MICAL2: variants seen among roughly 807,000 people sequenced by gnomAD.
MICAL2 encodes the protein [F-actin]-monooxygenase MICAL2.
A neutral mutation model predicts 127.3 loss-of-function variants in MICAL2; 77 were observed. The observed-to-expected ratio is 0.60, with a 90% CI of 0.50 to 0.73. The LOEUF is 0.73. Ranked by LOEUF, MICAL2 falls within the 30% of genes least tolerant of loss-of-function variation. MICAL2 has a pLI of 0.00. For synonymous variants in MICAL2, 570 were observed against 551.1 expected, an observed-to-expected ratio of 1.03 and a Z score of -0.48; for missense variants, 1,351 against 1,434.4, an observed-to-expected ratio of 0.94 and a Z score of 0.94.
At chr11:12,338,029 G>T (rs549052239) in intron 32 of MICAL2, among the ~76,000 whole-genome samples, 124 of 152,242 alleles carry the variant, frequency 8.1e-4, no homozygotes, top group Non-Finnish European at 1.5e-3. Context: ...CTGTCTCGTT[G>T]ATCTGTCTAA....
intron 1 of MICAL2, among the ~76,000 whole-genome samples, chr11:12,122,849 T>G (rs2133482118): frequency 6.6e-6 from 1 of 152,264 alleles, no homozygotes; most frequent in South Asian, 2.1e-4. Context: ...AGCCTTATCA[T>G]CAATCCCACT....
At chr11:12,276,992 G>T (rs367929507) in intron 1 of MICAL2, among the ~76,000 whole-genome samples, 1 of 152,186 alleles carries the variant, frequency 6.6e-6, no homozygotes, top group African/African-American at 2.4e-5. Context: ...CAATAATGCT[G>T]AGTGACAAAC....
intron 30 of MICAL2, chr11:12,319,930 T>C: frequency 1.4e-6 from 1 of 705,382 alleles, no homozygotes; most frequent in Admixed American, 2.4e-5. Flanking sequence ...CATGTTTCAT[T>C]GCATCTGACA....
intron 32 of MICAL2, among the ~76,000 whole-genome samples, chr11:12,341,543 TTG>T: frequency 6.6e-6 from 1 of 152,306 alleles, no homozygotes; most frequent in South Asian, 2.1e-4. Context: ...AAAAATGTTA[TTG>T]GCCCGGCGCG....
intron 3 of MICAL2, among the ~76,000 whole-genome samples, chr11:12,169,546 C>T (rs11022221): frequency 0.088 from 13,331 of 152,118 alleles, 1,035 homozygotes; most frequent in East Asian, 0.41. Context: ...CAACCATGCC[C>T]GGCTAACTTT....
At chr11:12,266,452 AG>A (rs1451542161), downstream of MICAL2, among the ~76,000 whole-genome samples, 2 of 152,320 alleles carry the variant, frequency 1.3e-5, no homozygotes, top group South Asian at 2.1e-4. Flanking sequence ...AGAAAAAAAA[AG>A]GCTTAAGTAA....
intron 3 of MICAL2, among the ~76,000 whole-genome samples, chr11:12,169,233 AT>A (rs60669256): frequency 0.87 from 132,144 of 151,848 alleles, 59,597 homozygotes; most frequent in Non-Finnish European, 0.99. Flanking sequence ...ATCTACACAC[AT>A]TTTTTTCTAC....
intron 2 of MICAL2, chr11:12,153,185 C>T (rs890503954): frequency 8.6e-5 from 13 of 151,808 alleles, no homozygotes; most frequent in African/African-American, 3.1e-4. Flanking sequence ...ACAGACGCAC[C>T]CCACCACACC....
intron 3 of MICAL2, among the ~76,000 whole-genome samples, chr11:12,180,419 C>T (rs966005444): frequency 6.6e-5 from 10 of 151,776 alleles, no homozygotes; most frequent in South Asian, 2.1e-4. Context: ...CTGCTGCACA[C>T]GGCCACAGGT....
At chr11:12,226,513 C>T (rs775950260) in intron 14 of MICAL2, 143 bp downstream of exon 14, 9 of 721,520 alleles carry the variant, frequency 1.2e-5, no homozygotes, top group South Asian at 3.7e-5. Context: ...ACAGGGGTGA[C>T]TCCACTCACC....
intron 3 of MICAL2, among the ~76,000 whole-genome samples, chr11:12,190,051 G>C (rs925212219): frequency 6.6e-6 from 1 of 152,182 alleles, no homozygotes; most frequent in African/African-American, 2.4e-5. Flanking sequence ...ACCACTTTAT[G>C]GTGTAAGGTG....
rs79909077 is a variant in MICAL2 at position 12,227,940 on chromosome 11, A to T, written c.1995+809A>T. ...CCATGGGACACAGTTTGGGCATCAC[A>T]TGCCTAAGGAGCAGTGACAGTTTTG... On this transcript the variant is annotated intron_variant, in intron 15 of 27. Coordinates refer to ENST00000683283, the MANE Select transcript of MICAL2 (RefSeq NM_001282663.2). Among the ~76,000 whole-genome samples the T allele has an allele frequency of 3.3e-3, 503 of 152,348 alleles. 15 individuals carry two copies. The East Asian group carries it at 0.069, about 21-fold the overall frequency.
intron 26 of MICAL2, chr11:12,261,138 AG>A (rs1863058853): frequency 3.0e-6 from 3 of 985,354 alleles, no homozygotes; most frequent in Admixed American, 6.1e-5. Flanking sequence ...TTTGGGACTG[AG>A]GGGGTTTGTT....
chr11:12,241,299 A>C (rs1313968167), intron 18 of MICAL2, 137 bp downstream of exon 18: 1 of 1,102,770 alleles, frequency 9.1e-7, no homozygotes, highest in Non-Finnish European at 1.3e-6. Context: ...ATGTCACCAC[A>C]CTTATAGGTA....
At chr11:12,191,236 G>A (rs142755793) in intron 3 of MICAL2, among the ~76,000 whole-genome samples, 23 of 152,114 alleles carry the variant, frequency 1.5e-4, no homozygotes, top group African/African-American at 4.8e-4. Context: ...AGGCTGAGGC[G>A]GGCAGATCAT....
Position 12,243,678 on chromosome 11 carries a change from G to C in MICAL2, c.2659-309G>C, listed in dbSNP as rs1335485590. Among the ~76,000 whole-genome samples, 3 of 152,226 alleles carry C rather than the reference G, an allele frequency of 2.0e-5. No homozygotes were observed. In the East Asian group the frequency reaches 5.8e-4, roughly 29 times the overall value. Reference sequence around the variant, plus strand: ...GCTCGCAGCTGCTACTTCATACCAAGCTCCAGGGTGAGGGCTTTGGTAATT... The same window carrying C: ...GCTCGCAGCTGCTACTTCATACCAACCTCCAGGGTGAGGGCTTTGGTAATT... On this transcript the variant is annotated intron_variant, in intron 20 of 27. Coordinates refer to ENST00000683283, the MANE Select transcript of MICAL2 (RefSeq NM_001282663.2).
At chr11:12,276,678 TCCAGGACTCGC>T (rs1863725384) in intron 1 of MICAL2, 2 of 152,312 alleles carry the variant, frequency 1.3e-5, no homozygotes, top group South Asian at 4.1e-4. Context: ...ACATGCAGAC[TCCAGGACTCGC>T]CCAGATGCAC....
At chr11:12,280,874 G>A (rs533523905) in intron 1 of MICAL2, 4 of 398,628 alleles carry the variant, frequency 1.0e-5, no homozygotes, top group Non-Finnish European at 1.8e-5. Flanking sequence ...CAGTGTGGGT[G>A]TGTTGGGGCA....
intron 32 of MICAL2, among the ~76,000 whole-genome samples, chr11:12,349,075 A>G (rs4517497): frequency 0.79 from 120,311 of 152,120 alleles, 47,712 homozygotes; most frequent in East Asian, 0.88. Context: ...TTCTAGGATG[A>G]CCATGAGCTT....
Sources: gnomAD v4.1 joint callset for allele counts (sites outside exome capture counted in the v4.1 genomes callset) on GRCh38, gnomAD v4.1.1 for gene constraint, MANE v1.5 for transcripts, NCBI Gene and HGNC (gene_info 2026-07-23, HGNC 2026-07-21) for gene names.